Variants in RBMXL1 observed in about 807,000 individuals in gnomAD.
RBMXL1 encodes RBMX like 1, also known as RNA binding motif protein, X-linked-like-1.
Under a neutral mutation model 29.0 loss-of-function variants are expected in RBMXL1, and 18 were observed. The observed-to-expected ratio is 0.62, with a 90% CI of 0.43 to 0.92. The LOEUF (loss-of-function observed/expected upper bound fraction) is 0.92. Ranked by LOEUF, RBMXL1 falls within the 40% of genes least tolerant of loss-of-function variation. RBMXL1 has a pLI of 0.00. For synonymous variants in RBMXL1, 141 were observed against 170.4 expected, an observed-to-expected ratio of 0.83 and a Z score of 1.34; for missense variants, 403 against 495.8, an observed-to-expected ratio of 0.81 and a Z score of 1.78.
Position 88,983,244 on chromosome 1 carries a change from G to A in RBMXL1, c.583C>T (p.Arg195Ter), listed in dbSNP as rs375166822. Residue 195 changes from arginine (R) to a stop codon, truncating the protein, a stop_gained, in exon 3 of 3, where the codon CGA becomes TGA. Transcript: ENST00000652648. LOFTEE classifies it high-confidence loss of function. ...CTACGAGAGGGGAGCGGTTCCCTTC[G>A]AGGTGGACCTCCATAACTATCTCTT... ...RGRDSYGGPP[R>*]REPLPSRRDV... 4 of 1,613,412 alleles carry A rather than the reference G, an allele frequency of 2.5e-6. No homozygotes were observed. The highest frequency in any genetic ancestry group is 2.2e-5 in the South Asian group (2 of 91,042).
chr1:88,983,295 C>A lies in RBMXL1; in HGVS notation c.532G>T (p.Gly178Ter). ...SGLVRSSSGM[G>*]GRAPLSRGRD... is the part of the protein sequence containing the mutation. ...CCACGTGATAGAGGAGCTCTTCCTC[C>A]CATTCCACTGCTGCTGCGAACTAGT... Residue 178 changes from glycine (G) to a stop codon, truncating the protein, a stop_gained, in exon 3 of 3, where the codon GGA becomes TGA. Transcript: ENST00000652648. LOFTEE classifies it high-confidence loss of function. 4 of 1,613,926 alleles carry A rather than the reference C, an allele frequency of 2.5e-6. No individual in the cohort carries two copies. The South Asian group carries it at 4.4e-5, about 18-fold the overall frequency.
In RBMXL1 at chr1:88,983,651, G is replaced by T. The variant is rs760937893; in HGVS notation, c.176C>A (p.Pro59Gln). 6.2e-7 allele frequency: 1 copy of T among 1,613,850 alleles called. No homozygotes were observed. The highest frequency in any genetic ancestry group is 8.5e-7 in the Non-Finnish European group (1 of 1,180,022). The change falls in exon 3 of 3, where the codon CCA becomes CAA. Residue 59 changes from proline (P) to glutamine (Q), a missense_variant. Coordinates refer to ENST00000652648, the MANE Select transcript of RBMXL1 (RefSeq NM_001162536.3). ...RGFAFVTFES[P>Q]ADAKDAARDM... The stretch of plus-strand genomic sequence containing the variant: ...TCTGGCTGCATCCTTAGCGTCTGCT[G>T]GGCTTTCAAAGGTGACAAAAGCAAA...
rs555631750 is a variant in RBMXL1 at position 88,980,718 on chromosome 1, T to A, written c.*1936A>T. 2.6e-5 allele frequency: 4 copies of A among 152,212 alleles called. No homozygotes were observed. The highest frequency in any genetic ancestry group is 1.5e-5 in the Non-Finnish European group (1 of 68,048). 9.4% of individuals were successfully genotyped at this position (152,212 alleles called of 1,614,324 possible). A position where few individuals can be genotyped will look rare whatever the true frequency, so the allele number is the denominator to read the frequency against. On this transcript the variant is annotated 3_prime_UTR_variant, in exon 3 of 3. Transcript: ENST00000652648. ...ATTCATATTTGGTACAAACTCTATA[T>A]CCTATATTTAGGATATCTAAATATT...
chr1:88,988,406 C>G (rs918725468), intron 1 of RBMXL1, 55 bp from the exon 2 acceptor site: 12 of 951,054 alleles, frequency 1.3e-5, no homozygotes, highest in Non-Finnish European at 2.0e-5. Context: ...GGGTACATCA[C>G]TATCAGACAC....
chr1:88,986,580 C>T (rs528334314), intron 2 of RBMXL1, among the ~76,000 whole-genome samples: 1 of 151,300 alleles, frequency 6.6e-6, no homozygotes, highest in Non-Finnish European at 1.5e-5. Context: ...GTGTTAGCCA[C>T]TGCGCCCCGC....
chr1:88,988,908 A>G (rs1180876030), intron 1 of RBMXL1, among the ~76,000 whole-genome samples: 2 of 152,230 alleles, frequency 1.3e-5, no homozygotes, highest in Non-Finnish European at 2.9e-5. Flanking sequence ...AATTCCCACA[A>G]GCCATTTTAG....
At chr1:88,984,964 G>A (rs1216012122) in intron 2 of RBMXL1, among the ~76,000 whole-genome samples, 1 of 152,210 alleles carries the variant, frequency 6.6e-6, no homozygotes, top group Non-Finnish European at 1.5e-5. Flanking sequence ...TCACATGAGT[G>A]AAATAAAAAT....
Position 88,983,382 on chromosome 1 carries a change from C to T in RBMXL1, c.445G>A (p.Val149Ile). ...NMSSSRGPLPVKRGPPPRSGG... is the reference protein window; with the variant it reads ...NMSSSRGPLPIKRGPPPRSGG... The stretch of plus-strand genomic sequence containing the variant: ...CTTCTTGGTGGTGGTCCTCTTTTTA[C>T]TGGGAGTGGTCCCCTGGAAGAACTC... The change falls in exon 3 of 3, where the codon GTA becomes ATA. Residue 149 changes from valine (V) to isoleucine (I), a missense_variant. By Grantham distance (29) the Val-to-Ile change is conservative (BLOSUM62 3). Transcript: ENST00000652648. The T allele has an allele frequency of 6.2e-7, 1 of 1,614,234 alleles. No homozygotes were observed. The highest frequency in any genetic ancestry group is 8.5e-7 in the Non-Finnish European group (1 of 1,180,034).
Position 88,982,044 on chromosome 1 carries a change from G to A in RBMXL1, c.*610C>T. ...AATGGTCTTATTGTGGGAGGGGAAA[G>A]GGGAGGTTCTTGCAGATTCCCAAGG... is the stretch of plus-strand genomic sequence containing the variant. On this transcript the variant is annotated 3_prime_UTR_variant, in exon 3 of 3. Transcript: ENST00000652648. The A allele has an allele frequency of 1.0e-6, 1 of 981,650 alleles. No individual in the cohort carries two copies. Among genetic ancestry groups the A allele is most frequent in the Non-Finnish European group, 1.2e-6 (1 of 826,056 alleles). The allele number at this position is 981,650 out of a possible 1,614,324, so 60.8% of individuals were successfully genotyped here.
Position 88,983,023 on chromosome 1 carries a change from A to G in RBMXL1, c.804T>C (p.Arg268=). 3.1e-6 allele frequency: 5 copies of G among 1,612,950 alleles called. No homozygotes were observed. Among genetic ancestry groups the G allele is most frequent in the Non-Finnish European group, 3.4e-6 (4 of 1,179,982 alleles). Residue 268 remains arginine, a synonymous_variant, in exon 3 of 3, where the codon CGT becomes CGC. Coordinates refer to ENST00000652648, the MANE Select transcript of RBMXL1 (RefSeq NM_001162536.3). ...RGYGDRDGYG[R]DRDYSDHPSG... is the part of the protein sequence containing the mutation. ...TTGGATGATCTGAATAGTCACGATC[A>G]CGACCATATCCATCTCTATCGCCAT...
In RBMXL1 at chr1:88,982,721, C is replaced by T; in HGVS notation, c.1106G>A (p.Gly369Glu). The T allele has an allele frequency of 6.2e-7, 1 of 1,613,940 alleles. No homozygotes were observed. Residue 369 changes from glycine (G) to glutamate (E), a missense_variant, in exon 3 of 3, where the codon GGA (glycine) becomes GAA (glutamate). Transcript: ENST00000652648. ...SRDSYSSSSR[G>E]APRGAGPGGS... is the part of the protein sequence containing the mutation. Reference sequence around the variant, plus strand: ...TCCAGGGCCAGCACCTCTTGGTGCTCCGCGGCTTGAACTGCTGTAGGAATC... The same window carrying T: ...TCCAGGGCCAGCACCTCTTGGTGCTTCGCGGCTTGAACTGCTGTAGGAATC...
In RBMXL1 at chr1:88,984,083, A is replaced by C. The variant is rs530276863; in HGVS notation, c.-240-17T>G. On this transcript the variant is annotated splice_polypyrimidine_tract_variant and intron_variant, in intron 2 of 2. Transcript: ENST00000652648. ...AGAATGTTCCTGTAATGGTGGAAGA[A>C]ATGAAAGTAAAACTCAGAAGTGGAA... 2.3e-6 allele frequency: 1 copy of C among 444,304 alleles called. No individual in the cohort carries two copies. Among genetic ancestry groups the C allele is most frequent in the South Asian group, 2.8e-5 (1 of 35,216 alleles). The allele number at this position is 444,304 out of a possible 1,614,324, so 27.5% of individuals were successfully genotyped here.
intron 2 of RBMXL1, among the ~76,000 whole-genome samples, chr1:88,984,535 TAG>T (rs1200831898): frequency 6.6e-6 from 1 of 152,132 alleles, no homozygotes; most frequent in Non-Finnish European, 1.5e-5. Context: ...AAACAACATA[TAG>T]TTTGTTACTT....
At chr1:88,989,958 A>G (rs577457392) in intron 1 of RBMXL1, among the ~76,000 whole-genome samples, 77 of 152,306 alleles carry the variant, frequency 5.1e-4, no homozygotes, top group Admixed American at 5.0e-3. Context: ...CCAACACTGC[A>G]GCATTTCTAC....
At chr1:88,984,271 G>A (rs1677311583) in intron 2 of RBMXL1, among the ~76,000 whole-genome samples, 1 of 136,140 alleles carries the variant, frequency 7.3e-6, no homozygotes, top group Admixed American at 8.1e-5. Context: ...CTGGAGTGCA[G>A]CGGCGCAATC....
Position 88,979,469 on chromosome 1 carries a change from A to C in RBMXL1, c.*3185T>G, listed in dbSNP as rs1676965359. On this transcript the variant is annotated 3_prime_UTR_variant, in exon 3 of 3. Coordinates refer to ENST00000652648, the MANE Select transcript of RBMXL1 (RefSeq NM_001162536.3). ...TTTACGAACATGTGTCTTACAAAGG[A>C]CTTTAATACAGTATATATAAAGAAC... 3 of 152,250 alleles carry C rather than the reference A, an allele frequency of 2.0e-5. No homozygotes were observed. The highest frequency in any genetic ancestry group is 4.4e-5 in the Non-Finnish European group (3 of 68,042). 9.4% of individuals were successfully genotyped at this position (152,250 alleles called of 1,614,324 possible).
chr1:88,984,119 G>A (rs531126696), intron 2 of RBMXL1, 53 bp from the exon 3 acceptor site: 1 of 448,282 alleles, frequency 2.2e-6, no homozygotes, highest in Non-Finnish European at 4.2e-6. Context: ...ATGTAAAGCA[G>A]GGAAAGATGC....
intron 1 of RBMXL1, among the ~76,000 whole-genome samples, chr1:88,992,119 C>T (rs1381155406): frequency 1.3e-5 from 2 of 151,958 alleles, no homozygotes; most frequent in Admixed American, 6.6e-5. Flanking sequence ...GCTGGGACTA[C>T]AGGCGCCCGC....
rs2101079198 is a variant in RBMXL1 at position 88,981,468 on chromosome 1, CT to C, written c.*1185del. The C allele has an allele frequency of 6.5e-6, 1 of 154,374 alleles. No individual in the cohort carries two copies. The highest frequency in any genetic ancestry group is 1.5e-5 in the Non-Finnish European group (1 of 68,222). The allele number at this position is 154,374 out of a possible 1,614,324, so 9.6% of individuals were successfully genotyped here. A position where few individuals can be genotyped will look rare whatever the true frequency, so the allele number is the denominator to read the frequency against. ...TTACCAATTTCCTTAATTACTTCCC[CT>C]TTTCCATTTGGTCAATTACTTAAGT... On this transcript the variant is annotated 3_prime_UTR_variant, in exon 3 of 3. Coordinates refer to ENST00000652648, the MANE Select transcript of RBMXL1 (RefSeq NM_001162536.3).
Sources: allele counts gnomAD v4.1 joint callset (sites outside exome capture counted in the v4.1 genomes callset), GRCh38; gene constraint gnomAD v4.1.1; transcripts MANE v1.5; gene names NCBI Gene and HGNC (gene_info 2026-07-23, HGNC 2026-07-21).